The following SPTA1 variants were observed in gnomAD, a reference collection of about 807,000 sequenced individuals.
SPTA1 encodes the protein spectrin alpha, erythrocytic 1.
In SPTA1, 177 loss-of-function variants were observed where a neutral mutation model predicts 324.7. The observed-to-expected ratio is 0.55, with a 90% CI of 0.48 to 0.62. SPTA1 has a LOEUF of 0.62. Among genes scored for constraint, SPTA1 ranks in the 20% least tolerant of loss-of-function variants. The probability of loss-of-function intolerance (pLI) is 0.00; values close to 1 mark genes in which losing one functional copy is unlikely to be tolerated. For missense variants in SPTA1, 3,162 were observed against 2,883.6 expected, an observed-to-expected ratio of 1.10 and a Z score of -2.21; for synonymous variants, 1,195 against 1,041.3, an observed-to-expected ratio of 1.15 and a Z score of -2.84.
At chr1:158,626,048 C>T (rs769359205) in intron 42 of SPTA1, 98 bp downstream of exon 42, 1 of 1,051,528 alleles carries the variant, frequency 9.5e-7, no homozygotes, top group Non-Finnish European at 1.5e-6. Context: ...ACAGAGGCTA[C>T]AGACAATAAA....
chr1:158,671,795 C>T (rs542446582), intron 11 of SPTA1, among the ~76,000 whole-genome samples: 1 of 152,244 alleles, frequency 6.6e-6, no homozygotes, highest in African/African-American at 2.4e-5. Context: ...GACCCTTTAC[C>T]AATTTGATAT....
intron 51 of SPTA1, 86 bp downstream of exon 51, chr1:158,612,731 T>A: frequency 6.6e-7 from 1 of 1,512,932 alleles, no homozygotes; most frequent in Admixed American, 1.8e-5. Context: ...AGTGGGTGGG[T>A]TTTTTCAAAG....
chr1:158,627,175 G>C (rs1418102669), intron 40 of SPTA1, among the ~76,000 whole-genome samples, 168 bp from the exon 41 acceptor site: 1 of 151,942 alleles, frequency 6.6e-6, no homozygotes, highest in Admixed American at 6.6e-5. Flanking sequence ...TCTGTTTAAT[G>C]GTCTTTATAT....
rs191375739 is a variant in SPTA1 at position 158,642,278 on chromosome 1, G to A, written c.4737+133C>T. 738 of 938,940 alleles carry A rather than the reference G, an allele frequency of 7.9e-4. 7 individuals are homozygous for A. The African/African-American group carries it at 0.011, about 14-fold the overall frequency. 58.2% of individuals were successfully genotyped at this position (938,940 alleles called of 1,614,324 possible). On this transcript the variant is annotated intron_variant, in intron 33 of 51. Transcript: ENST00000643759. ...TACATATGTAACAAACCTGCACATT[G>A]TGCACATGTACCCTAAAACTTAAAG...
chr1:158,664,447 A>C (rs1283068631), intron 16 of SPTA1, among the ~76,000 whole-genome samples: 5 of 152,186 alleles, frequency 3.3e-5, no homozygotes, highest in Non-Finnish European at 5.9e-5. Flanking sequence ...CAAACACCGC[A>C]TGTTCTCACT....
At chr1:158,674,256 T>A (rs1275465324) in intron 10 of SPTA1, 73 bp downstream of exon 10, 3 of 1,399,542 alleles carry the variant, frequency 2.1e-6, no homozygotes, top group Non-Finnish European at 1.0e-6. Context: ...TTAGAGATTA[T>A]CATATTATTG....
chr1:158,619,777 CAAA>C (rs1412662774), intron 44 of SPTA1, among the ~76,000 whole-genome samples: 1 of 152,044 alleles, frequency 6.6e-6, no homozygotes, highest in African/African-American at 2.4e-5. Flanking sequence ...TTAACACAGA[CAAA>C]AGCTAAAAAT....
chr1:158,647,270 G>C (rs1460486842), intron 27 of SPTA1, among the ~76,000 whole-genome samples: 1 of 152,196 alleles, frequency 6.6e-6, no homozygotes. Flanking sequence ...GAATACAGTA[G>C]AAGACTGAAT....
intron 17 of SPTA1, 143 bp from the exon 18 acceptor site, chr1:158,661,552 C>G: frequency 9.2e-7 from 1 of 1,082,178 alleles, no homozygotes; most frequent in African/African-American, 1.6e-5. Context: ...TTTATATCAT[C>G]TGTCTGATTT....
intron 3 of SPTA1, among the ~76,000 whole-genome samples, chr1:158,682,924 G>T (rs903030691): frequency 1.4e-4 from 21 of 152,092 alleles, no homozygotes; most frequent in Non-Finnish European, 3.1e-4. Context: ...TAGTCATAGG[G>T]TATGGTGTAT....
In SPTA1 at chr1:158,672,212, G is replaced by A. The variant is rs761819626; in HGVS notation, c.1351-16C>T. ...GTATTTCCATCTTTGGAAAGAAGGAGATAATGTATATGGAAGATAATTAAT... is the reference window on the plus strand; with the variant it reads ...GTATTTCCATCTTTGGAAAGAAGGAAATAATGTATATGGAAGATAATTAAT... On this transcript the variant is annotated splice_polypyrimidine_tract_variant and intron_variant, in intron 10 of 51. Coordinates refer to ENST00000643759, the MANE Select transcript of SPTA1 (RefSeq NM_003126.4). 1.9e-6 allele frequency: 3 copies of A among 1,610,768 alleles called. No individual in the cohort carries two copies. Among genetic ancestry groups the A allele is most frequent in the Non-Finnish European group, 2.5e-6 (3 of 1,177,748 alleles).
intron 33 of SPTA1, among the ~76,000 whole-genome samples, chr1:158,640,476 G>A (rs1170076670): frequency 6.6e-6 from 1 of 152,026 alleles, no homozygotes; most frequent in African/African-American, 2.4e-5. Flanking sequence ...TAAAGTCTCA[G>A]GATACAAAAT....
In SPTA1 at chr1:158,684,356, G is replaced by T. The variant is rs533241446; in HGVS notation, c.264+752C>A. 1.1e-4 allele frequency among the ~76,000 whole-genome samples: 16 copies of T among 152,190 alleles called. 1 individual carries two copies. In the South Asian group the frequency reaches 3.3e-3, roughly 32 times the overall value. ...ATATTTCTGAGAAGAGTGGAGGACAGTTGCTTCAGAAGCATTGATGACTCT... is the reference window on the plus strand; with the variant it reads ...ATATTTCTGAGAAGAGTGGAGGACATTTGCTTCAGAAGCATTGATGACTCT... On this transcript the variant is annotated intron_variant, in intron 2 of 51. Coordinates refer to ENST00000643759, the MANE Select transcript of SPTA1 (RefSeq NM_003126.4).
chr1:158,673,985 A>G (rs537269890), intron 10 of SPTA1, among the ~76,000 whole-genome samples: 2 of 152,330 alleles, frequency 1.3e-5, no homozygotes, highest in South Asian at 4.1e-4. Context: ...ATAATACGGT[A>G]TAACAATTAT....
chr1:158,650,676 G>C (rs1208386395), intron 24 of SPTA1, among the ~76,000 whole-genome samples: 1 of 152,156 alleles, frequency 6.6e-6, no homozygotes, highest in African/African-American at 2.4e-5. Context: ...TCATGTAATT[G>C]AGAATTTCTT....
intron 48 of SPTA1, 158 bp from the exon 49 acceptor site, chr1:158,614,464 G>T (rs575818456): frequency 1.9e-5 from 12 of 621,292 alleles, no homozygotes; most frequent in Non-Finnish European, 3.1e-5. Flanking sequence ...GCCAAATCTA[G>T]GCTGCCACCT....
chr1:158,627,539 T>C, intron 40 of SPTA1, 86 bp downstream of exon 40: 1 of 1,287,388 alleles, frequency 7.8e-7, no homozygotes. Context: ...AGCACTGCTC[T>C]CTGCATATGA....
chr1:158,636,641 C>G lies in SPTA1; in HGVS notation c.5310G>C (p.Gln1770His), dbSNP rs1205991857. The change falls in exon 37 of 52, where the codon CAG becomes CAC. Residue 1770 changes from glutamine (Q) to histidine (H), a missense_variant and splice_region_variant. Coordinates refer to ENST00000643759, the MANE Select transcript of SPTA1 (RefSeq NM_003126.4). Reference sequence around the variant, plus strand: ...TTCAGATCTGGTATTCTATTCCTACCTGGATGGCAGGCTCATGGGCCACCA... The same window carrying G: ...TTCAGATCTGGTATTCTATTCCTACGTGGATGGCAGGCTCATGGGCCACCA... The part of the protein sequence containing the change: ...GELVAHEPAI[Q>H]NVLDMAEKLK... 1 of 1,613,846 alleles carries G rather than the reference C, an allele frequency of 6.2e-7. No individual in the cohort carries two copies. Among genetic ancestry groups the G allele is most frequent in the Non-Finnish European group, 8.5e-7 (1 of 1,179,960 alleles).
chr1:158,644,284 C>T lies in SPTA1; in HGVS notation c.4307G>A (p.Arg1436Gln), dbSNP rs759110159. 17 of 1,613,716 alleles carry T rather than the reference C, an allele frequency of 1.1e-5. No individual in the cohort carries two copies. In the East Asian group the frequency reaches 2.5e-4, roughly 23 times the overall value. Residue 1436 changes from arginine to glutamine, a missense_variant, in exon 30 of 52, where the codon CGG (arginine) becomes CAG (glutamine). By Grantham distance (43) the Arg-to-Gln change is conservative (BLOSUM62 1). Transcript: ENST00000643759. ...AGTGATTGCTTTGTCCAAATCGTCC[C>T]GTTTCTTCATCAAAGCCTCCAGACT... ...LDSLEALMKKRDDLDKAITAQ... is the reference protein window; with the variant it reads ...LDSLEALMKKQDDLDKAITAQ...
Sources: gnomAD v4.1 joint callset for allele counts (sites outside exome capture counted in the v4.1 genomes callset) on GRCh38, gnomAD v4.1.1 for gene constraint, MANE v1.5 for transcripts, NCBI Gene and HGNC (gene_info 2026-07-23, HGNC 2026-07-21) for gene names.